Variants in SUMO2 observed in about 807,000 individuals in gnomAD.
The protein encoded by SUMO2 is small ubiquitin like modifier 2.
Under a neutral mutation model 16.0 loss-of-function variants are expected in SUMO2, and 1 was observed. The ratio of observed to expected loss-of-function variants is 0.06; its 90% CI spans 0.02 to 0.30. SUMO2 has a LOEUF of 0.30. SUMO2 is among the 10% of genes least tolerant of loss of function. The pLI, the probability that SUMO2 is intolerant of heterozygous loss-of-function variation, is 1.00. For missense variants in SUMO2, 16 were observed against 117.5 expected, an observed-to-expected ratio of 0.14 and a Z score of 3.99; for synonymous variants, 36 against 40.6, an observed-to-expected ratio of 0.89 and a Z score of 0.43.
chr17:75,169,385 ATTTT>A (rs746519441), intron 3 of SUMO2, among the ~76,000 whole-genome samples: 1 of 141,854 alleles, frequency 7.0e-6, no homozygotes, highest in Non-Finnish European at 1.6e-5. Context: ...TTAAAAAAAA[ATTTT>A]TTTTTTTTTT....
In SUMO2 at chr17:75,167,351, TATG is replaced by T. The variant is rs1219735513; in HGVS notation, c.*985_*987del. Reference sequence around the variant, plus strand: ...TATTTTAGGTTAGGGAGTATTTACTTATGATAAGTGCAGGCTAGAATGGTTCAG... The same window carrying T: ...TATTTTAGGTTAGGGAGTATTTACTTATAAGTGCAGGCTAGAATGGTTCAG... On this transcript the variant is annotated 3_prime_UTR_variant, in exon 4 of 4. Transcript: ENST00000420826. 5 of 152,026 alleles carry T rather than the reference TATG, an allele frequency of 3.3e-5. No individual in the cohort carries two copies. In the Admixed American group the frequency reaches 3.3e-4, roughly 10 times the overall value. The allele number at this position is 152,026 out of a possible 1,614,324, so 9.4% of individuals were successfully genotyped here. A position where few individuals can be genotyped will look rare whatever the true frequency, so the allele number is the denominator to read the frequency against.
chr17:75,179,237 T>G lies in SUMO2; in HGVS notation c.153+1820A>C, dbSNP rs1033287177. On this transcript the variant is annotated intron_variant, in intron 2 of 3. Transcript: ENST00000420826. ...CAGCAAAATTCTTCAAATAAGAGTATATGGTATCTTGCTGGGCACAGTGGC... is the reference window on the plus strand; with the variant it reads ...CAGCAAAATTCTTCAAATAAGAGTAGATGGTATCTTGCTGGGCACAGTGGC... Among the ~76,000 whole-genome samples the G allele has an allele frequency of 7.9e-5, 12 of 151,900 alleles. No homozygotes were observed. The South Asian group carries it at 2.5e-3, about 32-fold the overall frequency.
In SUMO2 at chr17:75,182,927, A is replaced by C; in HGVS notation, c.-93T>G. ...CACAAGCAGCACCAGGAGCGGCAGA[A>C]GAAGGAGGCGGCAGCGGTGGACGAG... On this transcript the variant is annotated 5_prime_UTR_variant, in exon 1 of 4. Coordinates refer to ENST00000420826, the MANE Select transcript of SUMO2 (RefSeq NM_006937.4). 1 of 1,131,742 alleles carries C rather than the reference A, an allele frequency of 8.8e-7. No individual in the cohort carries two copies. Among genetic ancestry groups the C allele is most frequent in the Non-Finnish European group, 1.1e-6 (1 of 877,046 alleles). 70.1% of individuals were successfully genotyped at this position (1,131,742 alleles called of 1,614,324 possible).
chr17:75,176,488 C>G (rs1457611556), intron 2 of SUMO2, among the ~76,000 whole-genome samples: 1 of 151,886 alleles, frequency 6.6e-6, no homozygotes, highest in Non-Finnish European at 1.5e-5. Flanking sequence ...TGGTGGCATC[C>G]GCCTGTAATC....
chr17:75,170,568 C>CA (rs1435544863), intron 3 of SUMO2, among the ~76,000 whole-genome samples: 4 of 150,338 alleles, frequency 2.7e-5, no homozygotes, highest in Non-Finnish European at 5.9e-5. Context: ...GACTCTGTCT[C>CA]AAAAAACAAA....
chr17:75,177,332 C>T (rs2074790514), intron 2 of SUMO2, among the ~76,000 whole-genome samples: 1 of 151,378 alleles, frequency 6.6e-6, no homozygotes, highest in Non-Finnish European at 1.5e-5. Context: ...TGCCACTGCA[C>T]TCCAGCCTGG....
rs1308415135 is a variant in SUMO2 at position 75,182,932 on chromosome 17, G to A, written c.-98C>T. ...GCAGCACCAGGAGCGGCAGAAGAAGGAGGCGGCAGCGGTGGACGAGGGGAG... is the reference window on the plus strand; with the variant it reads ...GCAGCACCAGGAGCGGCAGAAGAAGAAGGCGGCAGCGGTGGACGAGGGGAG... On this transcript the variant is annotated 5_prime_UTR_variant, in exon 1 of 4. Transcript: ENST00000420826. 31 of 1,106,328 alleles carry A rather than the reference G, an allele frequency of 2.8e-5. No homozygotes were observed. Among genetic ancestry groups the A allele is most frequent in the South Asian group, 7.1e-5 (2 of 28,220 alleles). 68.5% of individuals were successfully genotyped at this position (1,106,328 alleles called of 1,614,324 possible).
rs560336347 is a variant in SUMO2 at position 75,179,659 on chromosome 17, GTT to G, written c.153+1396_153+1397del. Among the ~76,000 whole-genome samples the G allele has an allele frequency of 1.5e-4, 21 of 141,612 alleles. No homozygotes were observed. In the East Asian group the frequency reaches 2.9e-3, roughly 20 times the overall value. The allele number at this position is 141,612 out of a possible 152,430, so 92.9% of individuals were successfully genotyped here. A position where few individuals can be genotyped will look rare whatever the true frequency, so the allele number is the denominator to read the frequency against. On this transcript the variant is annotated intron_variant, in intron 2 of 3. Coordinates refer to ENST00000420826, the MANE Select transcript of SUMO2 (RefSeq NM_006937.4). ...ATAAAAATACTTCAAACATTCTAAA[GTT>G]TTTTTTTTTTTTTCCTTTGAAATGC... is the stretch of plus-strand genomic sequence containing the variant.
intron 3 of SUMO2, among the ~76,000 whole-genome samples, chr17:75,174,082 T>G (rs540959884): frequency 6.6e-6 from 1 of 152,290 alleles, no homozygotes; most frequent in South Asian, 2.1e-4. Flanking sequence ...CAATTCAGCA[T>G]GTAGAACTAA....
intron 2 of SUMO2, among the ~76,000 whole-genome samples, chr17:75,176,089 GGAGT>G (rs1007244656): frequency 6.6e-6 from 1 of 151,738 alleles, no homozygotes; most frequent in Admixed American, 6.6e-5. Context: ...CGCCCAGGCT[GGAGT>G]GAGTGGAACA....
rs757480537 is a variant in SUMO2 at position 75,167,004 on chromosome 17, T to G, written c.*1335A>C. The stretch of plus-strand genomic sequence containing the variant: ...TTAAGGTTCTGAGGATGGATATATA[T>G]AGATATTTTCTGTCCCTCAATATTC... On this transcript the variant is annotated 3_prime_UTR_variant, in exon 4 of 4. Coordinates refer to ENST00000420826, the MANE Select transcript of SUMO2 (RefSeq NM_006937.4). 3.3e-5 allele frequency: 5 copies of G among 151,414 alleles called. No individual in the cohort carries two copies. The highest frequency in any genetic ancestry group is 7.4e-5 in the Non-Finnish European group (5 of 67,892). The allele number at this position is 151,414 out of a possible 1,614,324, so 9.4% of individuals were successfully genotyped here. A position where few individuals can be genotyped will look rare whatever the true frequency, so the allele number is the denominator to read the frequency against.
At position 75,165,612 on chromosome 17, in the gene SUMO2, G is replaced by T. The variant is rs1251023159; in HGVS notation, c.*2727C>A. 6.6e-6 allele frequency: 1 copy of T among 152,220 alleles called. No individual in the cohort carries two copies. Among genetic ancestry groups the T allele is most frequent in the Non-Finnish European group, 1.5e-5 (1 of 68,040 alleles). 9.4% of individuals were successfully genotyped at this position (152,220 alleles called of 1,614,324 possible). A position where few individuals can be genotyped will look rare whatever the true frequency, so the allele number is the denominator to read the frequency against. On this transcript the variant is annotated 3_prime_UTR_variant, in exon 4 of 4. Coordinates refer to ENST00000420826, the MANE Select transcript of SUMO2 (RefSeq NM_006937.4). ...GACTTGATGGTAGATTATATTGGTA[G>T]GTTGACAATCAGTATGGACAAAAAC...
chr17:75,175,440 C>A (rs558974902), intron 2 of SUMO2, among the ~76,000 whole-genome samples: 1 of 151,878 alleles, frequency 6.6e-6, no homozygotes, highest in Non-Finnish European at 1.5e-5. Context: ...CCTGCCTCAG[C>A]CTCCTGATTA....
chr17:75,176,011 A>G, intron 2 of SUMO2, among the ~76,000 whole-genome samples: 1 of 151,756 alleles, frequency 6.6e-6, no homozygotes, highest in East Asian at 1.9e-4. Context: ...ACCTTGAGAC[A>G]AATATGCATT....
chr17:75,182,165 G>A (rs995224916), intron 1 of SUMO2, among the ~76,000 whole-genome samples: 1 of 152,056 alleles, frequency 6.6e-6, no homozygotes, highest in Non-Finnish European at 1.5e-5. Flanking sequence ...TTAGGGGTTC[G>A]TTGGCACCCA....
intron 2 of SUMO2, among the ~76,000 whole-genome samples, chr17:75,176,377 T>C (rs973805797): frequency 6.6e-6 from 1 of 151,950 alleles, no homozygotes; most frequent in South Asian, 2.1e-4. Flanking sequence ...TCCAACACTT[T>C]AGGAGACCAA....
intron 1 of SUMO2, among the ~76,000 whole-genome samples, chr17:75,181,778 CCT>C (rs989883605): frequency 1.3e-5 from 2 of 152,134 alleles, no homozygotes; most frequent in African/African-American, 4.8e-5. Flanking sequence ...TTAACGTTCT[CCT>C]CTATTAGCAG....
intron 3 of SUMO2, among the ~76,000 whole-genome samples, chr17:75,173,919 A>C (rs1037738050): frequency 6.6e-6 from 1 of 152,188 alleles, no homozygotes; most frequent in Non-Finnish European, 1.5e-5. Context: ...GTGGTACATA[A>C]AGAGTTAAAG....
At chr17:75,172,488 T>A (rs980002931) in intron 3 of SUMO2, among the ~76,000 whole-genome samples, 1 of 115,114 alleles carries the variant, frequency 8.7e-6, no homozygotes, top group Non-Finnish European at 1.6e-5. Context: ...CCTGGCTAAA[T>A]TTTTTTTTTT....
Sources: gnomAD v4.1 joint callset for allele counts (sites outside exome capture counted in the v4.1 genomes callset) on GRCh38, gnomAD v4.1.1 for gene constraint, MANE v1.5 for transcripts, NCBI Gene and HGNC (gene_info 2026-07-23, HGNC 2026-07-21) for gene names.